The following SIPA1L2 variants were observed in gnomAD, a reference collection of about 807,000 sequenced individuals.
SIPA1L2 encodes the protein signal-induced proliferation-associated 1-like protein 2.
In SIPA1L2, 56 loss-of-function variants were observed where a neutral mutation model predicts 163.9. That is an observed-to-expected ratio of 0.34 (90% CI 0.28 to 0.43). SIPA1L2 has a LOEUF of 0.43. Among genes scored for constraint, SIPA1L2 ranks in the 20% least tolerant of loss-of-function variants. The pLI, the probability that SIPA1L2 is intolerant of heterozygous loss-of-function variation, is 1.00. For synonymous variants in SIPA1L2, 877 were observed against 865.7 expected, an observed-to-expected ratio of 1.01 and a Z score of -0.23; for missense variants, 1,974 against 2,193.5, an observed-to-expected ratio of 0.90 and a Z score of 2.00.
rs1484107195 is a variant in SIPA1L2 at position 232,453,763 on chromosome 1, T to A, written c.3095+7124A>T. Among the ~76,000 whole-genome samples, 11 of 138,212 alleles carry A rather than the reference T, an allele frequency of 8.0e-5. No individual in the cohort carries two copies. In the East Asian group the frequency reaches 2.5e-3, roughly 31 times the overall value. The allele number at this position is 138,212 out of a possible 152,430, so 90.7% of individuals were successfully genotyped here. Reference sequence around the variant, plus strand: ...ACACAAGGCTTTTTTTTTTTTTTTTTGAAAACCATCCAAGAACAGTTACTG... The same window carrying A: ...ACACAAGGCTTTTTTTTTTTTTTTTAGAAAACCATCCAAGAACAGTTACTG... On this transcript the variant is annotated intron_variant, in intron 10 of 22. Coordinates refer to ENST00000674635, the MANE Select transcript of SIPA1L2 (RefSeq NM_020808.5).
intron 1 of SIPA1L2, among the ~76,000 whole-genome samples, chr1:232,587,261 G>A (rs572047620): frequency 2.0e-5 from 3 of 152,270 alleles, no homozygotes; most frequent in South Asian, 4.1e-4. Context: ...AACAGCCCCA[G>A]TCAAAGTGCC....
intron 2 of SIPA1L2, among the ~76,000 whole-genome samples, chr1:232,553,209 C>T (rs1443624603): frequency 1.3e-5 from 2 of 152,126 alleles, no homozygotes; most frequent in Non-Finnish European, 2.9e-5. Context: ...GGAGTTTGGC[C>T]ATCCAGTGGC....
intron 1 of SIPA1L2, among the ~76,000 whole-genome samples, chr1:232,619,300 A>C (rs904061489): frequency 6.6e-6 from 1 of 152,214 alleles, no homozygotes; most frequent in South Asian, 2.1e-4. Flanking sequence ...TTCTCAGCTA[A>C]CCACACAGTC....
At chr1:232,505,947 A>G (rs1666712666) in intron 3 of SIPA1L2, among the ~76,000 whole-genome samples, 1 of 152,210 alleles carries the variant, frequency 6.6e-6, no homozygotes, top group African/African-American at 2.4e-5. Context: ...ATCAGAAGGA[A>G]AAAACAGCTA....
In SIPA1L2 at chr1:232,461,025, C is replaced by T. The variant is rs1437338412; in HGVS notation, c.2957G>A (p.Arg986His). Residue 986 changes from arginine to histidine, a missense_variant, in exon 10 of 23, where the codon CGC becomes CAC. Physicochemically the swap from Arg to His is conservative, Grantham distance 29. This residue lies in a region of SIPA1L2 where 1,079 missense variants were observed against 1,150.7 expected (regional missense o/e 0.94). Transcript: ENST00000674635. ...GATCTCCACGAGGCGGCTCCCTTGG[C>T]GAAGGCCAGCCTTCCAGGCAAAGCC... Reference protein sequence around the residue: ...PFGFAWKAGLRQGSRLVEICK... With the variant: ...PFGFAWKAGLHQGSRLVEICK... 10 of 1,614,176 alleles carry T rather than the reference C, an allele frequency of 6.2e-6. No individual in the cohort carries two copies. The highest frequency in any genetic ancestry group is 3.3e-5 in the Admixed American group (2 of 60,018).
rs72761338 is a variant in SIPA1L2, at chr1:232,498,265, A to C, written c.1484-4605T>G. On this transcript the variant is annotated intron_variant, in intron 3 of 22. Transcript: ENST00000674635. ...CAGGAATATCGAAATAAAAACAAGG[A>C]GGTAGCTCATTTCATGCCAGGAAGT... Among the ~76,000 whole-genome samples, 1,185 of 152,328 alleles carry C rather than the reference A, an allele frequency of 7.8e-3. 8 individuals carry two copies. Among genetic ancestry groups the C allele is most frequent in the Middle Eastern group, 0.017 (5 of 294 alleles).
In SIPA1L2 at chr1:232,464,917, C is replaced by G; in HGVS notation, c.2743G>C (p.Glu915Gln). Residue 915 changes from glutamate to glutamine, a missense_variant, in exon 9 of 23, where the codon GAA (glutamate) becomes CAA (glutamine). Glu to Gln is a conservative substitution (Grantham distance 29). Transcript: ENST00000674635. The stretch of plus-strand genomic sequence containing the variant: ...GACAGGAGGACACATTCTCCTCTTT[C>G]GTAAAACACTTTGATACTCACTAAT... ...SGLVSIKVFY[E>Q]RGECVLLSSV... The G allele has an allele frequency of 6.2e-7, 1 of 1,614,208 alleles. No homozygotes were observed. Among genetic ancestry groups the G allele is most frequent in the Non-Finnish European group, 8.5e-7 (1 of 1,180,022 alleles).
At chr1:232,539,294 ATC>A (rs1657499714) in intron 2 of SIPA1L2, among the ~76,000 whole-genome samples, 1 of 152,220 alleles carries the variant, frequency 6.6e-6, no homozygotes, top group Non-Finnish European at 1.5e-5. Context: ...GTGCGAAACA[ATC>A]TGAGTCCTTC....
chr1:232,553,798 A>C (rs73097623), intron 2 of SIPA1L2, among the ~76,000 whole-genome samples: 5,070 of 152,322 alleles, frequency 0.033, 285 homozygotes, highest in African/African-American at 0.12. Context: ...CCATTATCAG[A>C]CAAATTCCAA....
intron 10 of SIPA1L2, among the ~76,000 whole-genome samples, chr1:232,459,069 A>C (rs1395641105): frequency 6.6e-6 from 1 of 152,258 alleles, no homozygotes; most frequent in Non-Finnish European, 1.5e-5. Context: ...GGCTGGAGGC[A>C]AATGCTAAGA....
intron 5 of SIPA1L2, among the ~76,000 whole-genome samples, chr1:232,488,815 C>T (rs1285158458): frequency 6.6e-6 from 1 of 152,174 alleles, no homozygotes. Flanking sequence ...GGAGCTTGCA[C>T]TTGATTCAGA....
At chr1:232,403,643 T>C (rs1032069061) in intron 20 of SIPA1L2, 72 bp from the exon 21 acceptor site, 3 of 1,511,770 alleles carry the variant, frequency 2.0e-6, no homozygotes, top group Non-Finnish European at 1.8e-6. Context: ...TTTGTGGAAA[T>C]GCAATAGCTA....
intron 3 of SIPA1L2, among the ~76,000 whole-genome samples, chr1:232,512,101 G>A (rs187998508): frequency 2.6e-4 from 39 of 152,164 alleles, no homozygotes; most frequent in Admixed American, 1.8e-3. Flanking sequence ...ACATTTATGC[G>A]GCCAACAAAC....
At chr1:232,478,672 G>A (rs544840192) in intron 7 of SIPA1L2, among the ~76,000 whole-genome samples, 5 of 152,296 alleles carry the variant, frequency 3.3e-5, no homozygotes, top group African/African-American at 1.2e-4. Flanking sequence ...TCTCCTAAAT[G>A]TGAAAACAAA....
At chr1:232,446,179 T>G (rs1286293330) in intron 10 of SIPA1L2, among the ~76,000 whole-genome samples, 1 of 152,196 alleles carries the variant, frequency 6.6e-6, no homozygotes, top group East Asian at 1.9e-4. Flanking sequence ...AATTAACACC[T>G]GGCACAGCAG....
intron 6 of SIPA1L2, among the ~76,000 whole-genome samples, chr1:232,482,467 A>C (rs1665411685): frequency 1.3e-5 from 2 of 152,086 alleles, no homozygotes; most frequent in Admixed American, 1.3e-4. Flanking sequence ...AAAATCAGAA[A>C]AGGTCTCATT....
rs145174649 is a variant in SIPA1L2 at position 232,463,546 on chromosome 1, G to C, written c.2820+1294C>G. 1.3e-3 allele frequency among the ~76,000 whole-genome samples: 198 copies of C among 152,306 alleles called. 1 individual carries two copies. Among genetic ancestry groups the C allele is most frequent in the African/African-American group, 4.5e-3 (187 of 41,556 alleles). On this transcript the variant is annotated intron_variant, in intron 9 of 22. Transcript: ENST00000674635. ...ACAATACACTTTTCTAGGAAAATAG[G>C]ATGGAGTCCATCGAATAGCAAATGT...
intron 1 of SIPA1L2, among the ~76,000 whole-genome samples, chr1:232,579,354 TCA>T (rs1182161578): frequency 6.6e-6 from 1 of 152,164 alleles, no homozygotes; most frequent in Non-Finnish European, 1.5e-5. Context: ...CCACCACACC[TCA>T]GAGTTTTCCA....
intron 1 of SIPA1L2, among the ~76,000 whole-genome samples, chr1:232,605,550 C>T (rs1236738775): frequency 6.6e-6 from 1 of 152,038 alleles, no homozygotes; most frequent in African/African-American, 2.4e-5. Context: ...CAAAATTAGC[C>T]GGGCATGGTG....
Sources: allele counts gnomAD v4.1 joint callset (sites outside exome capture counted in the v4.1 genomes callset), GRCh38; gene constraint gnomAD v4.1.1; regional missense constraint gnomAD v4.1.1; transcripts MANE v1.5; gene names NCBI Gene and HGNC (gene_info 2026-07-23, HGNC 2026-07-21).